Variants in ALG1L2 observed in about 807,000 individuals in gnomAD.
ALG1L2 encodes ALG1 chitobiosyldiphosphodolichol beta-mannosyltransferase like 2.
In ALG1L2, 32 loss-of-function variants were observed where a neutral mutation model predicts 29.0. The ratio of observed to expected loss-of-function variants is 1.10; its 90% CI spans 0.83 to 1.48. The LOEUF (loss-of-function observed/expected upper bound fraction) is 1.48, where lower values mean the gene tolerates loss of function less well. ALG1L2 is among the 40% of genes most tolerant of loss of function. The pLI, the probability that ALG1L2 is intolerant of heterozygous loss-of-function variation, is 0.00. For missense variants in ALG1L2, 318 were observed against 274.1 expected, an observed-to-expected ratio of 1.16 and a Z score of -1.13; for synonymous variants, 110 against 109.5, an observed-to-expected ratio of 1.00 and a Z score of -0.03.
intron 6 of ALG1L2, 55 bp from the exon 7 acceptor site, chr3:130,097,120 A>T (rs1029523342): frequency 6.4e-5 from 102 of 1,603,180 alleles, no homozygotes; most frequent in Non-Finnish European, 8.5e-5. Context: ...TGGGCACCCC[A>T]GGGGTCTAGT....
intron 7 of ALG1L2, among the ~76,000 whole-genome samples, chr3:130,097,855 C>T (rs1935176273): frequency 6.6e-6 from 1 of 152,184 alleles, no homozygotes; most frequent in Non-Finnish European, 1.5e-5. Flanking sequence ...GGCCTGCAGG[C>T]TGTAGTTTGT....
chr3:130,085,855 A>G (rs373189211), intron 1 of ALG1L2, among the ~76,000 whole-genome samples: 1 of 149,072 alleles, frequency 6.7e-6, no homozygotes, highest in Non-Finnish European at 1.5e-5. Context: ...ATCTCCGCAA[A>G]AACGCAATGT....
intron 1 of ALG1L2, among the ~76,000 whole-genome samples, chr3:130,086,565 T>C (rs1395772981): frequency 1.4e-5 from 2 of 146,486 alleles, no homozygotes; most frequent in Admixed American, 6.7e-5. Context: ...TAGTCCCAGC[T>C]ACTCAGGAGG....
intron 1 of ALG1L2, among the ~76,000 whole-genome samples, chr3:130,086,341 C>G (rs1460177458): frequency 1.4e-5 from 2 of 145,802 alleles, no homozygotes; most frequent in Non-Finnish European, 3.1e-5. Flanking sequence ...AGAAATTATT[C>G]CTGGAGCGAA....
intron 4 of ALG1L2, chr3:130,094,080 C>T (rs1207290545): frequency 1.0e-5 from 4 of 391,110 alleles, no homozygotes; most frequent in Non-Finnish European, 1.9e-5. Context: ...CCTCTTGTCC[C>T]CTGTGCACAA....
intron 1 of ALG1L2, among the ~76,000 whole-genome samples, chr3:130,088,102 G>T (rs1934933488): frequency 6.6e-6 from 1 of 152,292 alleles, no homozygotes; most frequent in South Asian, 2.1e-4. Flanking sequence ...GAGCACAGTT[G>T]TGGGTCCAGT....
chr3:130,091,958 T>G (rs1935024126), intron 2 of ALG1L2, 143 bp from the exon 3 acceptor site: 1 of 1,370,132 alleles, frequency 7.3e-7, no homozygotes. Context: ...AGGCCTCGAT[T>G]GGCAGGGGTG....
intron 1 of ALG1L2, 94 bp downstream of exon 1, chr3:130,082,130 G>A: frequency 7.1e-7 from 1 of 1,407,276 alleles, no homozygotes; most frequent in Non-Finnish European, 9.8e-7. Flanking sequence ...GAAGAAATCA[G>A]GGTACAGGCA....
chr3:130,083,078 A>T (rs115868680), intron 1 of ALG1L2, among the ~76,000 whole-genome samples: 9,901 of 50,668 alleles, frequency 0.2, 89 homozygotes, highest in Admixed American at 0.21. Flanking sequence ...TTTCCTTTCA[A>T]TTCTTCCTTA....
intron 1 of ALG1L2, among the ~76,000 whole-genome samples, chr3:130,084,855 A>G (rs1181646729): frequency 7.6e-6 from 1 of 131,694 alleles, no homozygotes; most frequent in Non-Finnish European, 1.8e-5. Context: ...CTGTGTCCAA[A>G]ATTTCCCCTT....
chr3:130,093,029 G>GAAAAAAAAAAAAAAAA, intron 3 of ALG1L2, 72 bp from the exon 4 acceptor site: 1 of 1,012,374 alleles, frequency 9.9e-7, no homozygotes, highest in Admixed American at 3.7e-5. Flanking sequence ...GAGTCTGTCA[G>GAAAAAAAAAAAAAAAA]AAAAAAAAAA....
Position 130,092,641 on chromosome 3 carries a change from C to T in ALG1L2, c.253+419C>T, listed in dbSNP as rs181831797. Among the ~76,000 whole-genome samples the T allele has an allele frequency of 3.8e-3, 581 of 152,272 alleles. 2 individuals carry two copies. The highest frequency in any genetic ancestry group is 0.014 in the African/African-American group (561 of 41,550). ...ACCAGGCCCTCAGGCTGAAATGCCC[C>T]CTCCAGGAGAGTATCTCACAGAGGC... On this transcript the variant is annotated intron_variant, in intron 3 of 7. Coordinates refer to ENST00000425059, the MANE Select transcript of ALG1L2 (RefSeq NM_001136152.1).
intron 1 of ALG1L2, chr3:130,089,493 AAAG>A (rs1934963003): frequency 2.6e-5 from 4 of 151,108 alleles, no homozygotes; most frequent in African/African-American, 9.9e-5. Context: ...ATAATCAAAA[AAAG>A]AAAAAAAAAA....
chr3:130,093,573 C>T (rs1476926310), intron 4 of ALG1L2, among the ~76,000 whole-genome samples: 1 of 151,806 alleles, frequency 6.6e-6, no homozygotes, highest in African/African-American at 2.4e-5. Context: ...ACTAAAAGTG[C>T]CCACCACACC....
At chr3:130,084,913 A>AGT (rs140560794) in intron 1 of ALG1L2, among the ~76,000 whole-genome samples, 3 of 129,520 alleles carry the variant, frequency 2.3e-5, no homozygotes, top group Non-Finnish European at 1.7e-5. Flanking sequence ...ACATATATGT[A>AGT]GTGTGTGTGT....
chr3:130,092,129 C>T lies in ALG1L2; in HGVS notation c.160C>T (p.Arg54Trp), dbSNP rs528016464. ...RSEPEDPDTE[R>W]SAFTERDSGS... Reference sequence around the variant, plus strand: ...AGAACCTGAGGACCCAGACACAGAGCGGTCGGCCTTCACGGAGCGGGATTC... The same window carrying T: ...AGAACCTGAGGACCCAGACACAGAGTGGTCGGCCTTCACGGAGCGGGATTC... The change falls in exon 3 of 8, where the codon CGG becomes TGG. Residue 54 changes from arginine (R) to tryptophan (W), a missense_variant. By Grantham distance (101) the Arg-to-Trp change is moderately radical (BLOSUM62 -3). Transcript: ENST00000425059. 54 of 1,613,640 alleles carry T rather than the reference C, an allele frequency of 3.3e-5. No homozygotes were observed. Among genetic ancestry groups the T allele is most frequent in the African/African-American group, 2.0e-4 (15 of 75,034 alleles).
intron 6 of ALG1L2, 99 bp from the exon 7 acceptor site, chr3:130,097,076 C>T (rs941367422): frequency 5.2e-6 from 8 of 1,547,800 alleles, no homozygotes; most frequent in African/African-American, 2.7e-5. Context: ...CAACCCCCAG[C>T]CTGGCTTGAG....
intron 6 of ALG1L2, among the ~76,000 whole-genome samples, chr3:130,096,525 G>C (rs889328876): frequency 6.6e-6 from 1 of 152,100 alleles, no homozygotes; most frequent in African/African-American, 2.4e-5. Flanking sequence ...TTGCCTGCAG[G>C]CTTACATGGT....
At chr3:130,086,252 G>A (rs1279845555) in intron 1 of ALG1L2, among the ~76,000 whole-genome samples, 2 of 151,168 alleles carry the variant, frequency 1.3e-5, no homozygotes, top group Non-Finnish European at 3.0e-5. Flanking sequence ...GAAGTAGGAA[G>A]CATCAAATGG....
Sources: allele counts gnomAD v4.1 joint callset (sites outside exome capture counted in the v4.1 genomes callset), GRCh38; gene constraint gnomAD v4.1.1; transcripts MANE v1.5; gene names NCBI Gene and HGNC (gene_info 2026-07-23, HGNC 2026-07-21).